The following STYX variants were observed in gnomAD, a reference collection of about 807,000 sequenced individuals.
STYX encodes the protein serine/threonine/tyrosine interacting protein.
A neutral mutation model predicts 42.7 loss-of-function variants in STYX; 20 were observed. The ratio of observed to expected loss-of-function variants is 0.47; its 90% confidence interval spans 0.33 to 0.68. STYX has a LOEUF of 0.68. STYX is among the 30% of genes least tolerant of loss of function. The pLI, the probability that STYX is intolerant of heterozygous loss-of-function variation, is 0.02. For synonymous variants in STYX, 78 were observed against 81.9 expected, an observed-to-expected ratio of 0.95 and a Z score of 0.26; for missense variants, 226 against 268.5, an observed-to-expected ratio of 0.84 and a Z score of 1.11.
chr14:52,757,846 G>GT (rs1225422006), intron 7 of STYX, 28 bp from the exon 8 acceptor site: 1 of 1,612,690 alleles, frequency 6.2e-7, no homozygotes, highest in African/African-American at 1.3e-5. Context: ...TTTTCTGGTT[G>GT]TTTTTAAAAT....
At chr14:52,767,709 T>G (rs1349215746) in intron 9 of STYX, among the ~76,000 whole-genome samples, 1 of 152,166 alleles carries the variant, frequency 6.6e-6, no homozygotes, top group Non-Finnish European at 1.5e-5. Flanking sequence ...GCAGAGCTCC[T>G]TATATCACAG....
At chr14:52,765,906 C>G (rs1409469678) in intron 9 of STYX, among the ~76,000 whole-genome samples, 1 of 152,196 alleles carries the variant, frequency 6.6e-6, no homozygotes, top group Admixed American at 6.5e-5. Flanking sequence ...TGGTTCCTGA[C>G]AGGCGATGGA....
At chr14:52,740,189 T>C (rs754642695) in intron 1 of STYX, among the ~76,000 whole-genome samples, 11 of 152,236 alleles carry the variant, frequency 7.2e-5, no homozygotes, top group South Asian at 4.1e-4. Context: ...AGGCAGATAA[T>C]TGCTTGAACC....
chr14:52,752,796 C>T (rs983702811), intron 4 of STYX, among the ~76,000 whole-genome samples: 6 of 151,252 alleles, frequency 4.0e-5, no homozygotes, highest in Non-Finnish European at 7.4e-5. Flanking sequence ...ATAGTGATTG[C>T]TTCTAAGAAG....
At chr14:52,745,007 A>G (rs1225372925) in intron 2 of STYX, 123 bp downstream of exon 2, 7 of 700,572 alleles carry the variant, frequency 1.0e-5, no homozygotes, top group South Asian at 3.1e-5. Flanking sequence ...TATTTTAAAT[A>G]ATTATTTTAA....
intron 1 of STYX, 28 bp from the exon 2 acceptor site, chr14:52,744,824 A>G: frequency 6.2e-7 from 1 of 1,609,670 alleles, no homozygotes; most frequent in Non-Finnish European, 8.5e-7. Flanking sequence ...AATGTTATCT[A>G]CTTTTATTCT....
rs1383116492 is a variant in STYX, at chr14:52,773,119, A to T, written c.*2013A>T. 6.6e-6 allele frequency: 1 copy of T among 152,094 alleles called. No homozygotes were observed. Among genetic ancestry groups the T allele is most frequent in the Non-Finnish European group, 1.5e-5 (1 of 68,016 alleles). 9.4% of individuals were successfully genotyped at this position (152,094 alleles called of 1,614,324 possible). A position where few individuals can be genotyped will look rare whatever the true frequency, so the allele number is the denominator to read the frequency against. Reference sequence around the variant, plus strand: ...TTAGGTTTTAAAAACTTGTTTCATAAATATACATATATCCTCTCTAGTAGT... The same window carrying T: ...TTAGGTTTTAAAAACTTGTTTCATATATATACATATATCCTCTCTAGTAGT... On this transcript the variant is annotated 3_prime_UTR_variant, in exon 11 of 11. Coordinates refer to ENST00000354586, the MANE Select transcript of STYX (RefSeq NM_145251.4).
At chr14:52,761,075 T>A (rs1882072773) in intron 9 of STYX, among the ~76,000 whole-genome samples, 2 of 152,146 alleles carry the variant, frequency 1.3e-5, no homozygotes, top group African/African-American at 4.8e-5. Flanking sequence ...ACACCTGTAA[T>A]CCCAGCACTT....
intron 9 of STYX, among the ~76,000 whole-genome samples, chr14:52,760,876 G>T (rs1263823010): frequency 6.6e-6 from 1 of 151,828 alleles, no homozygotes; most frequent in Non-Finnish European, 1.5e-5. Context: ...CATGCAATGT[G>T]TAATAATCAC....
At chr14:52,761,439 A>G (rs1882090374) in intron 9 of STYX, among the ~76,000 whole-genome samples, 1 of 152,012 alleles carries the variant, frequency 6.6e-6, no homozygotes, top group South Asian at 2.1e-4. Flanking sequence ...TTGAAATTTG[A>G]TAGATGTTTC....
intron 10 of STYX, among the ~76,000 whole-genome samples, chr14:52,770,287 C>T (rs1386728672): frequency 6.6e-6 from 1 of 152,104 alleles, no homozygotes; most frequent in African/African-American, 2.4e-5. Context: ...AATATGCCCT[C>T]TGAATTAACA....
chr14:52,749,562 G>A (rs1019572406), intron 3 of STYX, among the ~76,000 whole-genome samples: 1 of 152,012 alleles, frequency 6.6e-6, no homozygotes, highest in Non-Finnish European at 1.5e-5. Flanking sequence ...ATACATACTT[G>A]ATACTTAAGT....
In STYX at chr14:52,759,571, C is replaced by G. The variant is rs928406181; in HGVS notation, c.432-111C>G. 4 of 738,140 alleles carry G rather than the reference C, an allele frequency of 5.4e-6. No individual in the cohort carries two copies. In the Admixed American group the frequency reaches 7.7e-5, roughly 14 times the overall value. 45.7% of individuals were successfully genotyped at this position (738,140 alleles called of 1,614,324 possible). ...GAAAAGGAATTGTGATATTTAATCT[C>G]ATCATGCTTTTTCCATTACAACTCA... On this transcript the variant is annotated intron_variant, in intron 8 of 10. Coordinates refer to ENST00000354586, the MANE Select transcript of STYX (RefSeq NM_145251.4).
At chr14:52,770,981 T>C in intron 10 of STYX, 52 bp from the exon 11 acceptor site, 15 of 1,571,982 alleles carry the variant, frequency 9.5e-6, no homozygotes, top group Non-Finnish European at 1.2e-5. Flanking sequence ...CTGTAACCTT[T>C]TAACATGAAT....
At position 52,771,159 on chromosome 14, in the gene STYX, C is replaced by A; in HGVS notation, c.*53C>A. On this transcript the variant is annotated 3_prime_UTR_variant, in exon 11 of 11. Transcript: ENST00000354586. ...ATTTCTATTTGGGAAGGAGAAAATA[C>A]AAGAGAAAATTATAATGTAAAATGG... is the stretch of plus-strand genomic sequence containing the variant. 2 of 1,482,514 alleles carry A rather than the reference C, an allele frequency of 1.3e-6. No individual in the cohort carries two copies. The highest frequency in any genetic ancestry group is 2.6e-5 in the South Asian group (2 of 78,156). The allele number at this position is 1,482,514 out of a possible 1,614,324, so 91.8% of individuals were successfully genotyped here.
chr14:52,742,972 T>A (rs1215169237), intron 1 of STYX, among the ~76,000 whole-genome samples: 2 of 151,748 alleles, frequency 1.3e-5, no homozygotes, highest in African/African-American at 4.8e-5. Flanking sequence ...ATTTTTGTAT[T>A]TTTAGTAGAG....
chr14:52,746,300 A>G (rs1484852131), intron 2 of STYX, 126 bp from the exon 3 acceptor site: 3 of 598,000 alleles, frequency 5.0e-6, no homozygotes, highest in African/African-American at 2.0e-5. Context: ...AAAAAAATAG[A>G]TAATAGTTCC....
At position 52,756,610 on chromosome 14, in the gene STYX, TG is replaced by T; in HGVS notation, c.303+1del. ...GAAAATATAATACGTTTTTTCCCTA[TG>T]GTAGGTACCAGTATTTTTTAAATAT... ...PVENIIRFFP[M>X]TKEFIDGSLQ... On this transcript the variant is annotated frameshift_variant and splice_region_variant, in exon 5 of 11. Coordinates refer to ENST00000354586, the MANE Select transcript of STYX (RefSeq NM_145251.4). LOFTEE classifies it high-confidence loss of function. 6.9e-7 allele frequency: 1 copy of T among 1,453,872 alleles called. No homozygotes were observed. Among genetic ancestry groups the T allele is most frequent in the Non-Finnish European group, 9.4e-7 (1 of 1,060,760 alleles). 90.1% of individuals were successfully genotyped at this position (1,453,872 alleles called of 1,614,324 possible). A position where few individuals can be genotyped will look rare whatever the true frequency, so the allele number is the denominator to read the frequency against.
rs1032139789 is a variant in STYX at position 52,772,514 on chromosome 14, T to C, written c.*1408T>C. 4.6e-5 allele frequency: 7 copies of C among 152,644 alleles called. No individual in the cohort carries two copies. Among genetic ancestry groups the C allele is most frequent in the African/African-American group, 1.7e-4 (7 of 41,468 alleles). The allele number at this position is 152,644 out of a possible 1,614,324, so 9.5% of individuals were successfully genotyped here. A position where few individuals can be genotyped will look rare whatever the true frequency, so the allele number is the denominator to read the frequency against. ...GAGGAGTGTTTTTAACTTTTTATAG[T>C]TGATGACTTTAGGGTAGCACAAACA... is the stretch of plus-strand genomic sequence containing the variant. On this transcript the variant is annotated 3_prime_UTR_variant, in exon 11 of 11. Transcript: ENST00000354586.
Sources: gnomAD v4.1 joint callset for allele counts (sites outside exome capture counted in the v4.1 genomes callset) on GRCh38, gnomAD v4.1.1 for gene constraint, MANE v1.5 for transcripts, NCBI Gene and HGNC (gene_info 2026-07-23, HGNC 2026-07-21) for gene names.